PATJ: variants seen among roughly 807,000 people sequenced by gnomAD.
PATJ encodes the protein PATJ crumbs cell polarity complex component, also known as inaD-like protein.
A neutral mutation model predicts 224.9 loss-of-function variants in PATJ; 190 were observed. The ratio of observed to expected loss-of-function variants is 0.84; its 90% CI spans 0.75 to 0.95. The LOEUF (loss-of-function observed/expected upper bound fraction) is 0.95, where lower values mean the gene tolerates loss of function less well. Ranked by LOEUF, PATJ falls within the 40% of genes least tolerant of loss-of-function variation. The pLI is 0.00. For missense variants in PATJ, 2,121 were observed against 2,270.3 expected (o/e 0.93, Z 1.34); for synonymous variants, 769 against 820.3 (o/e 0.94, Z 1.07).
chr1:61,795,845 C>T (rs115370426), intron 10 of PATJ, among the ~76,000 whole-genome samples: 10 of 152,112 alleles, frequency 6.6e-5, no homozygotes, highest in Admixed American at 2.6e-4. Context: ...GAAAACCCTG[C>T]GAGGACCACA....
intron 25 of PATJ, among the ~76,000 whole-genome samples, chr1:61,911,817 C>T (rs1162713245): frequency 1.3e-5 from 2 of 148,540 alleles, no homozygotes; most frequent in African/African-American, 4.9e-5. Context: ...GTAAACCCCA[C>T]CAGTCTTTGA....
chr1:61,761,712 G>T (rs181632339), intron 1 of PATJ, among the ~76,000 whole-genome samples: 3 of 151,244 alleles, frequency 2.0e-5, no homozygotes, highest in African/African-American at 7.3e-5. Flanking sequence ...TTGAGACAGG[G>T]TCTCACTCTG....
chr1:62,109,927 T>A (rs1258035899), intron 34 of PATJ, among the ~76,000 whole-genome samples: 1 of 152,186 alleles, frequency 6.6e-6, no homozygotes, highest in Non-Finnish European at 1.5e-5. Flanking sequence ...TTTAAACTAT[T>A]TCTGTTTGTA....
chr1:61,930,215 C>G (rs1443341765), intron 27 of PATJ, among the ~76,000 whole-genome samples: 1 of 152,148 alleles, frequency 6.6e-6, no homozygotes, highest in African/African-American at 2.4e-5. Context: ...TTAACCTCCT[C>G]CAGAAGAATT....
chr1:61,796,679 T>TTTCTTTCTTTC lies in PATJ; in HGVS notation c.1261-605_1261-595dup, dbSNP rs1491081377. Among the ~76,000 whole-genome samples, 85 of 21,642 alleles carry TTTCTTTCTTTC rather than the reference T, an allele frequency of 3.9e-3. 2 individuals are homozygous for TTTCTTTCTTTC. Among genetic ancestry groups the TTTCTTTCTTTC allele is most frequent in the Middle Eastern group, 0.033 (1 of 30 alleles). 14.2% of individuals were successfully genotyped at this position (21,642 alleles called of 152,430 possible). A position where few individuals can be genotyped will look rare whatever the true frequency, so the allele number is the denominator to read the frequency against. On this transcript the variant is annotated intron_variant, in intron 10 of 43. Transcript: ENST00000642238. ...TTTATTTTCTTTCTTTCTTTCTTTC[T>TTTCTTTCTTTC]TTCTTTCTTTCTTTCTTTCTTTCTT... is the stretch of plus-strand genomic sequence containing the variant.
At chr1:61,999,747 G>T (rs1268011729) in intron 28 of PATJ, among the ~76,000 whole-genome samples, 4 of 152,088 alleles carry the variant, frequency 2.6e-5, no homozygotes, top group Admixed American at 2.6e-4. Context: ...CAAATACTGG[G>T]TATTATAAGA....
intron 33 of PATJ, among the ~76,000 whole-genome samples, chr1:62,099,151 C>A (rs1397521858): frequency 6.6e-6 from 1 of 152,030 alleles, no homozygotes; most frequent in East Asian, 1.9e-4. Context: ...TGGTTTACGG[C>A]TTTCCTGCTG....
In PATJ at chr1:62,124,094, T is replaced by G. The variant is rs116989474; in HGVS notation, c.5043+1036T>G. Among the ~76,000 whole-genome samples, 470 of 152,258 alleles carry G rather than the reference T, an allele frequency of 3.1e-3. 17 individuals carry two copies. The East Asian group carries it at 0.08, about 26-fold the overall frequency. On this transcript the variant is annotated intron_variant, in intron 39 of 43. Coordinates refer to ENST00000642238, the MANE Select transcript of PATJ (RefSeq NM_001350145.3). The stretch of plus-strand genomic sequence containing the variant: ...AGTAGACTCTTTTTTTCTTTTTCTT[T>G]TTCTTTTTGAGATGGAGTCACCGTG...
At chr1:61,943,097 G>A (rs1678065308) in intron 27 of PATJ, among the ~76,000 whole-genome samples, 1 of 152,186 alleles carries the variant, frequency 6.6e-6, no homozygotes. Context: ...GTTCAATGCT[G>A]CTACATTCTC....
At position 62,050,962 on chromosome 1, in the gene PATJ, A is replaced by G. The variant is rs769105453; in HGVS notation, c.4033-4A>G. 2.5e-6 allele frequency: 4 copies of G among 1,611,890 alleles called. No homozygotes were observed. Among genetic ancestry groups the G allele is most frequent in the Non-Finnish European group, 2.5e-6 (3 of 1,178,288 alleles). On this transcript the variant is annotated splice_region_variant and splice_polypyrimidine_tract_variant and intron_variant, in intron 30 of 43. Coordinates refer to ENST00000642238, the MANE Select transcript of PATJ (RefSeq NM_001350145.3). ...TTTGCCATTTTCTTTTTAACGTTCCATAGGATCAGAGCGGCACCGAACCTA... is the reference window on the plus strand; with the variant it reads ...TTTGCCATTTTCTTTTTAACGTTCCGTAGGATCAGAGCGGCACCGAACCTA...
intron 22 of PATJ, among the ~76,000 whole-genome samples, chr1:61,894,273 A>AAC (rs1553194682): frequency 3.0e-5 from 4 of 134,088 alleles, no homozygotes; most frequent in Non-Finnish European, 6.4e-5. Context: ...AAAAAAACAC[A>AAC]AAAAAAAAAC....
chr1:62,146,178 G>A (rs1213081409), intron 41 of PATJ, among the ~76,000 whole-genome samples: 2 of 152,050 alleles, frequency 1.3e-5, no homozygotes, highest in Non-Finnish European at 2.9e-5. Context: ...AAAGTGCTGA[G>A]GTGGGGATGC....
chr1:61,835,705 AG>A (rs1434935735), intron 17 of PATJ, among the ~76,000 whole-genome samples: 1 of 152,122 alleles, frequency 6.6e-6, no homozygotes, highest in East Asian at 1.9e-4. Flanking sequence ...CGCCCAGCCT[AG>A]GTTAGCCAAA....
At chr1:61,952,237 TAAAG>T in intron 27 of PATJ, 1 of 460,736 alleles carries the variant, frequency 2.2e-6, no homozygotes, top group Non-Finnish European at 3.8e-6. Flanking sequence ...AGGTTGCCCT[TAAAG>T]AGAACAAAAT....
At chr1:61,828,020 G>T (rs1658585495) in intron 16 of PATJ, among the ~76,000 whole-genome samples, 1 of 152,134 alleles carries the variant, frequency 6.6e-6, no homozygotes, top group South Asian at 2.1e-4. Context: ...GCCGAGGTGG[G>T]TGGAACACCT....
intron 19 of PATJ, among the ~76,000 whole-genome samples, chr1:61,863,642 A>G (rs1473491707): frequency 6.6e-6 from 1 of 152,192 alleles, no homozygotes; most frequent in East Asian, 1.9e-4. Flanking sequence ...ATATAAATTA[A>G]TTTTTAAAAT....
At position 62,149,156 on chromosome 1, in the gene PATJ, A is replaced by C. The variant is rs994052463; in HGVS notation, c.5378+766A>C. ...AAAAAAAAAAAAAAAAAGAGGAGTA[A>C]TCTAGGGAGCATGTTTAAAGATGCG... On this transcript the variant is annotated intron_variant, in intron 42 of 43. Coordinates refer to ENST00000642238, the MANE Select transcript of PATJ (RefSeq NM_001350145.3). Among the ~76,000 whole-genome samples, 4 of 132,892 alleles carry C rather than the reference A, an allele frequency of 3.0e-5. No individual in the cohort carries two copies. The East Asian group carries it at 8.9e-4, about 30-fold the overall frequency. The allele number at this position is 132,892 out of a possible 152,430, so 87.2% of individuals were successfully genotyped here. A position where few individuals can be genotyped will look rare whatever the true frequency, so the allele number is the denominator to read the frequency against.
chr1:62,084,435 C>A, intron 32 of PATJ, 80 bp from the exon 33 acceptor site: 1 of 1,461,576 alleles, frequency 6.8e-7, no homozygotes, highest in Non-Finnish European at 9.2e-7. Flanking sequence ...ATGCAAGCCC[C>A]ACACTCCCCA....
intron 24 of PATJ, among the ~76,000 whole-genome samples, chr1:61,905,937 C>T (rs943852662): frequency 6.6e-6 from 1 of 152,178 alleles, no homozygotes; most frequent in African/African-American, 2.4e-5. Flanking sequence ...TAATTGAATT[C>T]CAATACTATG....
Sources: gnomAD v4.1 joint callset for allele counts (sites outside exome capture counted in the v4.1 genomes callset) on GRCh38, gnomAD v4.1.1 for gene constraint, MANE v1.5 for transcripts, NCBI Gene and HGNC (gene_info 2026-07-23, HGNC 2026-07-21) for gene names.